EYA1: variants seen among roughly 807,000 people sequenced by gnomAD.
EYA1 encodes the protein protein phosphatase EYA1.
Under a neutral mutation model 82.0 loss-of-function variants are expected in EYA1, and 16 were observed. The ratio of observed to expected loss-of-function variants is 0.20; its 90% CI spans 0.13 to 0.30. EYA1 has a LOEUF of 0.30. Among genes scored for constraint, EYA1 ranks in the 10% least tolerant of loss-of-function variants. The pLI, the probability that EYA1 is intolerant of heterozygous loss-of-function variation, is 1.00. For missense variants in EYA1, 633 were observed against 730.7 expected, an observed-to-expected ratio of 0.87 and a Z score of 1.54; for synonymous variants, 261 against 264.4, an observed-to-expected ratio of 0.99 and a Z score of 0.12.
At chr8:71,223,194 C>T (rs973613856) in intron 12 of EYA1, among the ~76,000 whole-genome samples, 13 of 152,076 alleles carry the variant, frequency 8.5e-5, no homozygotes, top group African/African-American at 2.2e-4. Context: ...AGTAGGAGAG[C>T]TGAGGACCAG....
At chr8:71,456,220 A>C (rs1407672566) in intron 2 of EYA1, among the ~76,000 whole-genome samples, 2 of 152,212 alleles carry the variant, frequency 1.3e-5, no homozygotes, top group Non-Finnish European at 2.9e-5. Flanking sequence ...GGACCTCTTC[A>C]AGGAGAACTA....
At chr8:71,330,705 G>T (rs1000943148) in intron 4 of EYA1, among the ~76,000 whole-genome samples, 1 of 152,180 alleles carries the variant, frequency 6.6e-6, no homozygotes, top group Admixed American at 6.5e-5. Flanking sequence ...ACTGCCACAG[G>T]CTAATCCATT....
chr8:71,297,625 C>T (rs2128997228), intron 9 of EYA1, among the ~76,000 whole-genome samples: 1 of 152,104 alleles, frequency 6.6e-6, no homozygotes, highest in East Asian at 1.9e-4. Context: ...GGCAAGATCT[C>T]CCTAAAGTTG....
At chr8:71,348,147 C>T (rs995071779) in intron 3 of EYA1, among the ~76,000 whole-genome samples, 13 of 151,966 alleles carry the variant, frequency 8.6e-5, no homozygotes, top group South Asian at 2.1e-4. Context: ...TTATATTGTA[C>T]GCTTAGAGTG....
chr8:71,392,248 T>G (rs1829319121), intron 2 of EYA1, among the ~76,000 whole-genome samples: 1 of 152,162 alleles, frequency 6.6e-6, no homozygotes, highest in African/African-American at 2.4e-5. Context: ...GGAAAACTCC[T>G]GAAGACTTTA....
chr8:71,315,182 T>C (rs1352160697), intron 7 of EYA1, among the ~76,000 whole-genome samples: 1 of 152,196 alleles, frequency 6.6e-6, no homozygotes, highest in Non-Finnish European at 1.5e-5. Flanking sequence ...TACAAAGTAA[T>C]GTACTTCTAA....
At chr8:71,546,051 C>T (rs1815542993) in intron 1 of EYA1, among the ~76,000 whole-genome samples, 1 of 152,162 alleles carries the variant, frequency 6.6e-6, no homozygotes, top group Admixed American at 6.5e-5. Flanking sequence ...AGTGTCTACC[C>T]TAGGTCTCTC....
intron 11 of EYA1, among the ~76,000 whole-genome samples, chr8:71,262,902 T>C (rs146599787): frequency 3.9e-4 from 59 of 152,336 alleles, no homozygotes; most frequent in African/African-American, 1.4e-3. Flanking sequence ...TAGACACATA[T>C]ATTATTTCAT....
At chr8:71,313,139 C>T (rs1286383175) in intron 7 of EYA1, among the ~76,000 whole-genome samples, 8 of 152,240 alleles carry the variant, frequency 5.3e-5, no homozygotes, top group South Asian at 2.1e-4. Context: ...CCCCATTCAC[C>T]ACTGCTGCCA....
In EYA1 at chr8:71,349,893, T is replaced by C. The variant is rs761359914; in HGVS notation, c.124+4889A>G. On this transcript the variant is annotated intron_variant, in intron 3 of 17. Transcript: ENST00000340726. ...CTAATAATAGGTTATTCATAAGTATTAGCCAGCATTATTATAATTTATTAG... is the reference window on the plus strand; with the variant it reads ...CTAATAATAGGTTATTCATAAGTATCAGCCAGCATTATTATAATTTATTAG... Among the ~76,000 whole-genome samples the C allele has an allele frequency of 1.9e-4, 29 of 152,248 alleles. 1 individual carries two copies. Among genetic ancestry groups the C allele is most frequent in the Non-Finnish European group, 3.5e-4 (24 of 68,038 alleles).
intron 11 of EYA1, among the ~76,000 whole-genome samples, chr8:71,258,949 A>C (rs1294992530): frequency 1.3e-5 from 2 of 152,204 alleles, no homozygotes; most frequent in African/African-American, 4.8e-5. Flanking sequence ...GACCAACTGG[A>C]CAGCTGAAGC....
chr8:71,451,687 G>A (rs1469590040), intron 2 of EYA1, among the ~76,000 whole-genome samples: 1 of 152,080 alleles, frequency 6.6e-6, no homozygotes, highest in Non-Finnish European at 1.5e-5. Context: ...TTGGTGAAAT[G>A]AACATATCTT....
At chr8:71,503,590 A>C (rs765817943) in intron 2 of EYA1, among the ~76,000 whole-genome samples, 5 of 152,210 alleles carry the variant, frequency 3.3e-5, no homozygotes, top group Non-Finnish European at 5.9e-5. Context: ...TCTTACACAC[A>C]GTAATCTTTT....
chr8:71,207,315 T>G (rs1419339918), intron 17 of EYA1, among the ~76,000 whole-genome samples: 1 of 152,220 alleles, frequency 6.6e-6, no homozygotes, highest in African/African-American at 2.4e-5. Context: ...AGACGACTAT[T>G]TATATACTAG....
At chr8:71,325,481 C>G (rs1405530358) in intron 4 of EYA1, among the ~76,000 whole-genome samples, 1 of 152,098 alleles carries the variant, frequency 6.6e-6, no homozygotes, top group Non-Finnish European at 1.5e-5. Flanking sequence ...CCTGACAGGG[C>G]CTGGTATGTG....
At chr8:71,214,998 TAATA>T (rs534390560) in intron 16 of EYA1, among the ~76,000 whole-genome samples, 11 of 152,358 alleles carry the variant, frequency 7.2e-5, no homozygotes, top group Admixed American at 4.6e-4. Context: ...ATATTTCTAG[TAATA>T]AATCTGTTAT....
At chr8:71,279,811 T>C (rs959324431) in intron 9 of EYA1, among the ~76,000 whole-genome samples, 1 of 152,206 alleles carries the variant, frequency 6.6e-6, no homozygotes, top group Non-Finnish European at 1.5e-5. Context: ...GAGACTAACT[T>C]ACCAACACTA....
chr8:71,327,233 T>C (rs1008863959), intron 4 of EYA1, among the ~76,000 whole-genome samples: 3 of 152,200 alleles, frequency 2.0e-5, no homozygotes, highest in African/African-American at 7.2e-5. Flanking sequence ...GCTTGGCATA[T>C]AGCAGGTGCT....
intron 2 of EYA1, among the ~76,000 whole-genome samples, chr8:71,490,489 A>C (rs907630025): frequency 6.6e-6 from 1 of 152,234 alleles, no homozygotes; most frequent in Non-Finnish European, 1.5e-5. Context: ...ATAAGTAGAA[A>C]ATTTGTTGTT....
Sources: gnomAD v4.1 joint callset for allele counts (sites outside exome capture counted in the v4.1 genomes callset) on GRCh38, gnomAD v4.1.1 for gene constraint, MANE v1.5 for transcripts, NCBI Gene and HGNC (gene_info 2026-07-23, HGNC 2026-07-21) for gene names.